Variants in KPNA4 observed in about 807,000 individuals in gnomAD.
The protein encoded by KPNA4 is importin subunit alpha-3.
A neutral mutation model predicts 71.3 loss-of-function variants in KPNA4; 13 were observed. The ratio of observed to expected loss-of-function variants is 0.18; its 90% CI spans 0.12 to 0.29. The LOEUF is 0.29. Ranked by LOEUF, KPNA4 falls within the 10% of genes least tolerant of loss-of-function variation. The pLI is 1.00. For synonymous variants in KPNA4, 189 were observed against 195.2 expected, an observed-to-expected ratio of 0.97 and a Z score of 0.26; for missense variants, 334 against 603.2, an observed-to-expected ratio of 0.55 and a Z score of 4.67.
chr3:160,503,175 C>T (rs576103647), intron 16 of KPNA4, among the ~76,000 whole-genome samples: 1 of 151,782 alleles, frequency 6.6e-6, no homozygotes, highest in South Asian at 2.1e-4. Flanking sequence ...TACATAAAGA[C>T]AATCACATTA....
intron 1 of KPNA4, among the ~76,000 whole-genome samples, chr3:160,549,453 A>G (rs1337470738): frequency 3.3e-5 from 5 of 152,162 alleles, no homozygotes; most frequent in Non-Finnish European, 5.9e-5. Context: ...TGATTTTTGT[A>G]TATAGTACAA....
intron 16 of KPNA4, among the ~76,000 whole-genome samples, chr3:160,502,744 AG>A (rs1238439943): frequency 6.6e-6 from 1 of 152,176 alleles, no homozygotes; most frequent in Non-Finnish European, 1.5e-5. Flanking sequence ...AAAAGAATGA[AG>A]GAACAGTAAT....
Position 160,515,056 on chromosome 3 carries a change from A to C in KPNA4, c.1032+396T>G, listed in dbSNP as rs372915589. Reference sequence around the variant, plus strand: ...CTACAACAGCCTCAGATGCACTCCAATATCAGCATCACCAGTCAGTGCCCC... The same window carrying C: ...CTACAACAGCCTCAGATGCACTCCACTATCAGCATCACCAGTCAGTGCCCC... On this transcript the variant is annotated intron_variant, in intron 12 of 16. Coordinates refer to ENST00000334256, the MANE Select transcript of KPNA4 (RefSeq NM_002268.5). 3 of 519,322 alleles carry C rather than the reference A, an allele frequency of 5.8e-6. No homozygotes were observed. In the Admixed American group the frequency reaches 5.8e-5, roughly 10 times the overall value. The allele number at this position is 519,322 out of a possible 1,614,324, so 32.2% of individuals were successfully genotyped here.
intron 1 of KPNA4, among the ~76,000 whole-genome samples, chr3:160,556,279 T>C (rs1722135666): frequency 6.6e-6 from 1 of 152,242 alleles, no homozygotes; most frequent in African/African-American, 2.4e-5. Flanking sequence ...TGTTTAACTT[T>C]TTGAGGAACT....
chr3:160,524,580 G>A (rs1053317784), intron 10 of KPNA4, among the ~76,000 whole-genome samples: 11 of 152,242 alleles, frequency 7.2e-5, no homozygotes, highest in Admixed American at 7.2e-4. Flanking sequence ...CTGCACTCAA[G>A]TGATCCTCCT....
intron 1 of KPNA4, among the ~76,000 whole-genome samples, chr3:160,547,576 C>T (rs552188446): frequency 1.3e-5 from 2 of 152,256 alleles, no homozygotes; most frequent in South Asian, 4.2e-4. Context: ...CATGTACTAT[C>T]ACCCACAGTC....
chr3:160,501,203 A>C lies in KPNA4; in HGVS notation c.*901T>G, dbSNP rs1720871894. The C allele has an allele frequency of 6.6e-6, 1 of 152,354 alleles. No homozygotes were observed. Among genetic ancestry groups the C allele is most frequent in the Admixed American group, 6.6e-5 (1 of 15,228 alleles). The allele number at this position is 152,354 out of a possible 1,614,324, so 9.4% of individuals were successfully genotyped here. ...AAACATTCATCTGGTGCAAATGCAC[A>C]GGGAAACCTTCCTGAAAAGTTTTCT... On this transcript the variant is annotated 3_prime_UTR_variant, in exon 17 of 17. Coordinates refer to ENST00000334256, the MANE Select transcript of KPNA4 (RefSeq NM_002268.5).
intron 15 of KPNA4, among the ~76,000 whole-genome samples, chr3:160,506,820 G>A (rs1720992674): frequency 6.6e-6 from 1 of 151,958 alleles, no homozygotes; most frequent in South Asian, 2.1e-4. Flanking sequence ...TTCCTAACTC[G>A]ACAGTTATAG....
intron 10 of KPNA4, among the ~76,000 whole-genome samples, chr3:160,523,313 A>C (rs1721393317): frequency 6.6e-6 from 1 of 152,066 alleles, no homozygotes; most frequent in Non-Finnish European, 1.5e-5. Flanking sequence ...TCTATGAAAA[A>C]CAGAAACAAT....
chr3:160,515,518 A>G lies in KPNA4; in HGVS notation c.966T>C (p.Val322=), dbSNP rs965829709. The change falls in exon 12 of 17, where the codon GTT becomes GTC. Residue 322 remains valine, a synonymous_variant. Transcript: ENST00000334256. ...AGTGTGAAAGAGCATCACAGTTCAA[A>G]ACTACTTGTGTTTGCTCATCAGTTC... ...VTGTDEQTQV[V]LNCDALSHFP... 3.1e-6 allele frequency: 5 copies of G among 1,613,822 alleles called. No individual in the cohort carries two copies. The African/African-American group carries it at 5.3e-5, about 17-fold the overall frequency.
intron 16 of KPNA4, among the ~76,000 whole-genome samples, chr3:160,504,277 T>C (rs1720939298): frequency 6.6e-6 from 1 of 152,160 alleles, no homozygotes; most frequent in African/African-American, 2.4e-5. Flanking sequence ...TTTGATAATA[T>C]GGAAAGGCAT....
chr3:160,502,446 T>C (rs1577043428), intron 16 of KPNA4, among the ~76,000 whole-genome samples: 1 of 152,000 alleles, frequency 6.6e-6, no homozygotes, highest in East Asian at 1.9e-4. Flanking sequence ...ACATAGCTCA[T>C]TGCAGCCTCA....
chr3:160,526,172 C>CA (rs751757062), intron 8 of KPNA4, 65 bp from the exon 9 acceptor site: 31 of 1,189,894 alleles, frequency 2.6e-5, no homozygotes, highest in Admixed American at 5.4e-5. Flanking sequence ...TCAGAAAACA[C>CA]AAAGCACTGG....
intron 7 of KPNA4, among the ~76,000 whole-genome samples, chr3:160,530,501 A>AAAAAAC (rs1413051748): frequency 2.6e-5 from 4 of 152,186 alleles, no homozygotes; most frequent in East Asian, 1.9e-4. Flanking sequence ...AACAACAACA[A>AAAAAAC]AAAAACAAAA....
At chr3:160,522,378 A>C (rs905622444) in intron 10 of KPNA4, among the ~76,000 whole-genome samples, 1 of 152,268 alleles carries the variant, frequency 6.6e-6, no homozygotes, top group Admixed American at 6.5e-5. Flanking sequence ...GCCTAAAGCC[A>C]ATAACCCAAG....
At chr3:160,527,355 C>G (rs2108550796) in intron 8 of KPNA4, among the ~76,000 whole-genome samples, 1 of 152,218 alleles carries the variant, frequency 6.6e-6, no homozygotes, top group South Asian at 2.1e-4. Flanking sequence ...AATTATTTAT[C>G]AGAGAGAACC....
At position 160,501,538 on chromosome 3, in the gene KPNA4, C is replaced by T. The variant is rs1260982328; in HGVS notation, c.*566G>A. The T allele has an allele frequency of 1.3e-5, 2 of 152,632 alleles. No individual in the cohort carries two copies. The highest frequency in any genetic ancestry group is 2.9e-5 in the Non-Finnish European group (2 of 68,044). The allele number at this position is 152,632 out of a possible 1,614,324, so 9.5% of individuals were successfully genotyped here. The stretch of plus-strand genomic sequence containing the variant: ...CCACAACCACGCTCTCGTACACAGT[C>T]ACTCCAGGACTAGGAGTCTGCTTCA... On this transcript the variant is annotated 3_prime_UTR_variant, in exon 17 of 17. Coordinates refer to ENST00000334256, the MANE Select transcript of KPNA4 (RefSeq NM_002268.5).
chr3:160,505,487 G>C (rs1720966143), intron 15 of KPNA4, among the ~76,000 whole-genome samples: 1 of 152,172 alleles, frequency 6.6e-6, no homozygotes, highest in African/African-American at 2.4e-5. Context: ...TAAGATACCT[G>C]TTAAGTTTAC....
chr3:160,499,359 A>G lies in KPNA4; in HGVS notation c.*2745T>C, dbSNP rs1720832998. The G allele has an allele frequency of 6.6e-6, 1 of 152,192 alleles. No homozygotes were observed. Among genetic ancestry groups the G allele is most frequent in the African/African-American group, 2.4e-5 (1 of 41,438 alleles). 9.4% of individuals were successfully genotyped at this position (152,192 alleles called of 1,614,324 possible). The stretch of plus-strand genomic sequence containing the variant: ...CTTGAGGTGGTCTCAATGTTCAAAA[A>G]GACAGTTTAAGACATGAAACGTTAA... On this transcript the variant is annotated 3_prime_UTR_variant, in exon 17 of 17. Transcript: ENST00000334256.
Sources: allele counts gnomAD v4.1 joint callset (sites outside exome capture counted in the v4.1 genomes callset), GRCh38; gene constraint gnomAD v4.1.1; transcripts MANE v1.5; gene names NCBI Gene and HGNC (gene_info 2026-07-23, HGNC 2026-07-21).